The following TRPM3 variants were observed in gnomAD, a reference collection of about 807,000 sequenced individuals.
TRPM3 encodes long transient receptor potential channel 3.
Under a neutral mutation model 181.2 loss-of-function variants are expected in TRPM3, and 77 were observed. That is an observed-to-expected ratio of 0.42 (90% confidence interval 0.35 to 0.51). The LOEUF (loss-of-function observed/expected upper bound fraction) is 0.51. Ranked by LOEUF, TRPM3 falls within the 20% of genes least tolerant of loss-of-function variation. The pLI is 0.01. For missense variants in TRPM3, 1,759 were observed against 2,196.7 expected (o/e 0.80, Z 3.98); for synonymous variants, 745 against 796.4 (o/e 0.94, Z 1.09).
intron 20 of TRPM3, 123 bp downstream of exon 20, chr9:70,603,219 G>T: frequency 1.7e-6 from 2 of 1,198,040 alleles, no homozygotes; most frequent in South Asian, 1.5e-5. Context: ...AGCAGCTGTG[G>T]TAGAGTTAGA....
At chr9:70,826,548 G>C (rs947742597) in intron 6 of TRPM3, 1 of 152,194 alleles carries the variant, frequency 6.6e-6, no homozygotes. Flanking sequence ...GTCCCTAAAA[G>C]GTGGGACCAG....
chr9:71,298,320 AT>A (rs1309663145), intron 1 of TRPM3, among the ~76,000 whole-genome samples: 3 of 152,268 alleles, frequency 2.0e-5, no homozygotes, highest in Middle Eastern at 3.4e-3. Context: ...TCAATCCAAC[AT>A]TTCCTTATTA....
chr9:71,044,962 C>T (rs1269992983), intron 1 of TRPM3, among the ~76,000 whole-genome samples: 2 of 152,138 alleles, frequency 1.3e-5, no homozygotes, highest in African/African-American at 4.8e-5. Context: ...TGAACCACAG[C>T]GCCCGGCCAT....
At chr9:70,578,512 T>C (rs10780950) in intron 22 of TRPM3, among the ~76,000 whole-genome samples, 116,018 of 152,222 alleles carry the variant, frequency 0.76, 44,694 homozygotes, top group Non-Finnish European at 0.82. Flanking sequence ...GATCTACTGG[T>C]GTTTGCCAAA....
intron 1 of TRPM3, among the ~76,000 whole-genome samples, chr9:71,425,776 G>C (rs1196881109): frequency 1.3e-5 from 2 of 152,082 alleles, no homozygotes; most frequent in African/African-American, 2.4e-5. Flanking sequence ...TGACCCATAA[G>C]GGGGTACTAT....
In TRPM3 at chr9:71,084,538, C is replaced by A. The variant is rs560738; in HGVS notation, c.177+36640G>T. Among the ~76,000 whole-genome samples the A allele has an allele frequency of 5.8e-3, 887 of 151,966 alleles. 17 individuals are homozygous for A. The East Asian group carries it at 0.078, about 13-fold the overall frequency. On this transcript the variant is annotated intron_variant, in intron 1 of 25. Coordinates refer to ENST00000677713, the MANE Select transcript of TRPM3 (RefSeq NM_001366145.2). ...CTCATGTACAATAGCCACACACACA[C>A]AAAAATACCTAGAACTACATCTAAC...
chr9:71,212,889 G>A (rs1404157473), intron 1 of TRPM3, among the ~76,000 whole-genome samples: 1 of 151,964 alleles, frequency 6.6e-6, no homozygotes, highest in East Asian at 1.9e-4. Flanking sequence ...ACACTTCACA[G>A]GAAAGACTGA....
chr9:71,005,057 A>T (rs2097658831), intron 1 of TRPM3, among the ~76,000 whole-genome samples: 1 of 152,200 alleles, frequency 6.6e-6, no homozygotes, highest in Admixed American at 6.5e-5. Flanking sequence ...TTAGGAAGCC[A>T]ATTTGAGAAA....
chr9:70,986,579 A>C (rs1274328498), intron 1 of TRPM3, among the ~76,000 whole-genome samples: 1 of 152,156 alleles, frequency 6.6e-6, no homozygotes, highest in Non-Finnish European at 1.5e-5. Context: ...TTCACAGACA[A>C]GGAAACAAAG....
At chr9:70,835,555 C>T (rs2094259444) in intron 5 of TRPM3, among the ~76,000 whole-genome samples, 1 of 151,990 alleles carries the variant, frequency 6.6e-6, no homozygotes, top group Non-Finnish European at 1.5e-5. Flanking sequence ...ACATCCTCCA[C>T]TCACTCTCCT....
chr9:70,750,071 T>C (rs917231580), intron 8 of TRPM3, among the ~76,000 whole-genome samples: 6 of 152,168 alleles, frequency 3.9e-5, no homozygotes, highest in Admixed American at 6.6e-5. Flanking sequence ...CAACGATATA[T>C]AACAGCTTTC....
At chr9:71,317,691 AC>A (rs2088768261) in intron 1 of TRPM3, among the ~76,000 whole-genome samples, 2 of 151,672 alleles carry the variant, frequency 1.3e-5, no homozygotes, top group South Asian at 2.1e-4. Context: ...ACACACACAC[AC>A]ACGCGCACAC....
At chr9:70,691,840 A>T (rs963810404) in intron 8 of TRPM3, among the ~76,000 whole-genome samples, 1 of 152,224 alleles carries the variant, frequency 6.6e-6, no homozygotes, top group Admixed American at 6.5e-5. Context: ...ACTACTGAGG[A>T]TATTTTGGTA....
chr9:71,212,599 A>G (rs2079574849), intron 1 of TRPM3, among the ~76,000 whole-genome samples: 1 of 152,200 alleles, frequency 6.6e-6, no homozygotes, highest in Non-Finnish European at 1.5e-5. Context: ...TGCTGAACCC[A>G]TCAAGAAGGT....
At chr9:70,816,087 T>C (rs1332051826) in intron 6 of TRPM3, among the ~76,000 whole-genome samples, 2 of 152,228 alleles carry the variant, frequency 1.3e-5, no homozygotes, top group South Asian at 2.1e-4. Flanking sequence ...TTAGGTTTCA[T>C]TGAATAATGC....
intron 1 of TRPM3, among the ~76,000 whole-genome samples, chr9:71,222,747 T>C (rs2080315504): frequency 6.6e-6 from 1 of 152,164 alleles, no homozygotes; most frequent in South Asian, 2.1e-4. Flanking sequence ...AGAATCTGTG[T>C]GCTTGGGGAA....
At chr9:70,885,190 G>A (rs2096065668) in intron 1 of TRPM3, among the ~76,000 whole-genome samples, 1 of 152,124 alleles carries the variant, frequency 6.6e-6, no homozygotes, top group South Asian at 2.1e-4. Flanking sequence ...TCTTCTTAAA[G>A]CAGGATTTCT....
intron 1 of TRPM3, among the ~76,000 whole-genome samples, chr9:71,106,666 A>G (rs1330579806): frequency 2.0e-5 from 3 of 152,152 alleles, no homozygotes; most frequent in Non-Finnish European, 4.4e-5. Context: ...ACTGCTCACT[A>G]TTCCCTTTGC....
chr9:71,236,511 G>A (rs1430382659), intron 1 of TRPM3, among the ~76,000 whole-genome samples: 1 of 152,046 alleles, frequency 6.6e-6, no homozygotes, highest in African/African-American at 2.4e-5. Context: ...TCACTTAATA[G>A]GAATCAAAAG....
Sources: allele counts gnomAD v4.1 joint callset (sites outside exome capture counted in the v4.1 genomes callset), GRCh38; gene constraint gnomAD v4.1.1; transcripts MANE v1.5; gene names NCBI Gene and HGNC (gene_info 2026-07-23, HGNC 2026-07-21).